Variants in SORCS3 observed in about 807,000 individuals in gnomAD.
SORCS3 encodes the protein sortilin related VPS10 domain containing receptor 3, also known as VPS10 domain-containing receptor SorCS3.
A neutral mutation model predicts 146.3 loss-of-function variants in SORCS3; 57 were observed. That is an observed-to-expected ratio of 0.39 (90% CI 0.31 to 0.49). The LOEUF is 0.49. Ranked by LOEUF, SORCS3 falls within the 20% of genes least tolerant of loss-of-function variation. The pLI is 0.92. For synonymous variants in SORCS3, 653 were observed against 618.5 expected (o/e 1.06, Z -0.83); for missense variants, 1,341 against 1,575.5 (o/e 0.85, Z 2.52).
chr10:104,676,201 AT>A (rs1340105017), intron 1 of SORCS3, among the ~76,000 whole-genome samples: 2 of 151,812 alleles, frequency 1.3e-5, no homozygotes, highest in African/African-American at 4.8e-5. Context: ...CTTTTATTTC[AT>A]TTTCTTGCCT....
intron 11 of SORCS3, among the ~76,000 whole-genome samples, chr10:105,163,858 A>C (rs1352800291): frequency 6.8e-6 from 1 of 148,108 alleles, no homozygotes; most frequent in African/African-American, 2.6e-5. Flanking sequence ...TTTCAAACAT[A>C]CACACAGACA....
At chr10:105,136,824 G>T (rs2056061847) in intron 7 of SORCS3, among the ~76,000 whole-genome samples, 1 of 152,302 alleles carries the variant, frequency 6.6e-6, no homozygotes, top group Non-Finnish European at 1.5e-5. Flanking sequence ...CCAGGGCTCT[G>T]TGGCCTTCAT....
At chr10:104,929,163 A>T (rs1182107549) in intron 3 of SORCS3, among the ~76,000 whole-genome samples, 1 of 152,218 alleles carries the variant, frequency 6.6e-6, no homozygotes, top group African/African-American at 2.4e-5. Context: ...TGACTTCTCT[A>T]AGCCTTAGTT....
chr10:105,089,340 C>G (rs875909), intron 5 of SORCS3, among the ~76,000 whole-genome samples: 1 of 152,050 alleles, frequency 6.6e-6, no homozygotes, highest in African/African-American at 2.4e-5. Context: ...TGTTCCCCAT[C>G]GGGTAGAACA....
intron 5 of SORCS3, among the ~76,000 whole-genome samples, chr10:105,061,587 G>A (rs943776355): frequency 9.3e-5 from 14 of 150,316 alleles, no homozygotes; most frequent in African/African-American, 3.2e-4. Context: ...GAGTCACTGC[G>A]CCTGGCCCCC....
chr10:105,211,261 CACCT>C lies in SORCS3; in HGVS notation c.2375+14_2375+17del. 1 of 1,580,776 alleles carries C rather than the reference CACCT, an allele frequency of 6.3e-7. No individual in the cohort carries two copies. Among genetic ancestry groups the C allele is most frequent in the Non-Finnish European group, 8.7e-7 (1 of 1,149,812 alleles). On this transcript the variant is annotated intron_variant, in intron 17 of 26. Transcript: ENST00000369701. ...CCTTAACAGCACTGGGTAAGTAAAA[CACCT>C]ACAGGAACTCAGCTCCCTGTTTTCC...
intron 14 of SORCS3, 66 bp from the exon 15 acceptor site, chr10:105,199,933 G>A (rs2056564522): frequency 8.8e-7 from 1 of 1,138,764 alleles, no homozygotes; most frequent in Non-Finnish European, 1.3e-6. Flanking sequence ...CCTAGTTTCT[G>A]TGCATTAGTG....
intron 2 of SORCS3, among the ~76,000 whole-genome samples, chr10:104,887,971 G>GTGGGTGC (rs1554857309): frequency 1.2e-5 from 1 of 83,034 alleles, no homozygotes; most frequent in African/African-American, 5.5e-5. Context: ...GGGGGGCGGG[G>GTGGGTGC]GCGGAGCAAG....
chr10:104,866,844 A>ACAGT (rs1416247803), intron 2 of SORCS3, among the ~76,000 whole-genome samples: 1 of 152,206 alleles, frequency 6.6e-6, no homozygotes, highest in Non-Finnish European at 1.5e-5. Flanking sequence ...TCAATTTTGA[A>ACAGT]CAGTCACTCA....
chr10:104,741,393 T>C (rs1444323039), intron 1 of SORCS3, among the ~76,000 whole-genome samples: 2 of 152,128 alleles, frequency 1.3e-5, no homozygotes, highest in African/African-American at 4.8e-5. Context: ...TCACAGTTAC[T>C]CGGAGCAGAG....
chr10:105,191,875 C>T (rs747748260), intron 14 of SORCS3, among the ~76,000 whole-genome samples: 4 of 152,156 alleles, frequency 2.6e-5, no homozygotes, highest in African/African-American at 7.2e-5. Flanking sequence ...TCCTGCTGTG[C>T]GGCCCTGTTC....
intron 1 of SORCS3, among the ~76,000 whole-genome samples, chr10:104,769,827 A>G (rs943729324): frequency 5.9e-5 from 9 of 152,132 alleles, no homozygotes; most frequent in African/African-American, 2.2e-4. Context: ...TGCAAAATGA[A>G]GGGTTTAGGC....
intron 4 of SORCS3, among the ~76,000 whole-genome samples, chr10:104,988,567 G>A (rs2054975423): frequency 6.6e-6 from 1 of 152,016 alleles, no homozygotes; most frequent in Non-Finnish European, 1.5e-5. Context: ...TCAAATCTTT[G>A]AGTTAATATA....
intron 1 of SORCS3, among the ~76,000 whole-genome samples, chr10:104,687,767 T>A (rs2016062975): frequency 6.6e-6 from 1 of 152,182 alleles, no homozygotes; most frequent in African/African-American, 2.4e-5. Context: ...GGAGTCTGAC[T>A]CTGGTAGTTC....
rs143783208 is a variant in SORCS3 at position 105,053,133 on chromosome 10, G to A, written c.1028+10005G>A. 1.1e-3 allele frequency among the ~76,000 whole-genome samples: 167 copies of A among 152,144 alleles called. 1 individual carries two copies. Among genetic ancestry groups the A allele is most frequent in the African/African-American group, 3.9e-3 (162 of 41,522 alleles). ...AGCTCTCTGGTGCACTTTCTTGTAA[G>A]GGCACTAATCACATTATGAGAGCCC... On this transcript the variant is annotated intron_variant, in intron 5 of 26. Coordinates refer to ENST00000369701, the MANE Select transcript of SORCS3 (RefSeq NM_014978.3).
At chr10:104,808,112 G>T (rs1052224579) in intron 1 of SORCS3, among the ~76,000 whole-genome samples, 3 of 152,146 alleles carry the variant, frequency 2.0e-5, no homozygotes, top group African/African-American at 4.8e-5. Flanking sequence ...GAATCTGGGT[G>T]GGGGGAGTGA....
chr10:105,052,874 A>C (rs2133711978), intron 5 of SORCS3, among the ~76,000 whole-genome samples: 1 of 152,208 alleles, frequency 6.6e-6, no homozygotes, highest in Non-Finnish European at 1.5e-5. Flanking sequence ...TGTTGAGGAA[A>C]TCTGTTATTG....
intron 2 of SORCS3, among the ~76,000 whole-genome samples, chr10:104,884,207 C>T (rs1475367211): frequency 6.6e-6 from 1 of 152,132 alleles, no homozygotes; most frequent in Non-Finnish European, 1.5e-5. Context: ...GTTTGCAACC[C>T]TGCAGGTGAT....
chr10:105,163,461 C>T (rs2056283974), intron 11 of SORCS3, among the ~76,000 whole-genome samples: 1 of 152,138 alleles, frequency 6.6e-6, no homozygotes, highest in South Asian at 2.1e-4. Flanking sequence ...CATTTGTTTT[C>T]CCATTCATTC....
Sources: allele counts gnomAD v4.1 joint callset (sites outside exome capture counted in the v4.1 genomes callset), GRCh38; gene constraint gnomAD v4.1.1; transcripts MANE v1.5; gene names NCBI Gene and HGNC (gene_info 2026-07-23, HGNC 2026-07-21).